SIPA1L2: variants seen among roughly 807,000 people sequenced by gnomAD.
SIPA1L2 encodes the protein signal-induced proliferation-associated 1-like protein 2.
SIPA1L2 carries 56 observed loss-of-function variants against 163.9 expected under a neutral mutation model. The observed-to-expected ratio is 0.34, with a 90% CI of 0.28 to 0.43. The LOEUF (loss-of-function observed/expected upper bound fraction) is 0.43. Ranked by LOEUF, SIPA1L2 falls within the 20% of genes least tolerant of loss-of-function variation. SIPA1L2 has a pLI of 1.00. For synonymous variants in SIPA1L2, 877 were observed against 865.7 expected, an observed-to-expected ratio of 1.01 and a Z score of -0.23; for missense variants, 1,974 against 2,193.5, an observed-to-expected ratio of 0.90 and a Z score of 2.00.
At chr1:232,411,980 C>T (rs1237376808) in intron 19 of SIPA1L2, among the ~76,000 whole-genome samples, 2 of 152,190 alleles carry the variant, frequency 1.3e-5, no homozygotes, top group Non-Finnish European at 2.9e-5. Context: ...AGGGAGCTTA[C>T]TGAGTCCTTA....
Position 232,493,636 on chromosome 1 carries a change from T to C in SIPA1L2, c.1508A>G (p.Asp503Gly). ...GACTGCTACTGGACCAAGGTTTTCA[T>C]CTATTCCAAAGTAGTTTTGGTGCTC... ...GKEHQNYFGI[D>G]ENLGPVAVSI... is the part of the protein sequence containing the mutation. The change falls in exon 4 of 23, where the codon GAT (aspartate) becomes GGT (glycine). Residue 503 changes from aspartate to glycine, a missense_variant. This residue lies in a region of SIPA1L2 where 288 missense variants were observed against 418.9 expected (regional missense o/e 0.69). Transcript: ENST00000674635. The C allele has an allele frequency of 1.2e-6, 2 of 1,614,096 alleles. No individual in the cohort carries two copies. Among genetic ancestry groups the C allele is most frequent in the Non-Finnish European group, 1.7e-6 (2 of 1,180,000 alleles).
chr1:232,445,929 C>A lies in SIPA1L2; in HGVS notation c.3096-143G>T, dbSNP rs190067194. On this transcript the variant is annotated intron_variant, in intron 10 of 22. Transcript: ENST00000674635. ...AGTCAATGATGCAGAGCGATCCACC[C>A]TTAGGAGCATCTCACCTATAATAAA... 2.6e-4 allele frequency: 201 copies of A among 767,580 alleles called. No individual in the cohort carries two copies. In the African/African-American group the frequency reaches 3.2e-3, roughly 12 times the overall value. The allele number at this position is 767,580 out of a possible 1,614,324, so 47.5% of individuals were successfully genotyped here.
chr1:232,424,571 C>T (rs1661777750), intron 18 of SIPA1L2, among the ~76,000 whole-genome samples: 1 of 152,108 alleles, frequency 6.6e-6, no homozygotes, highest in Non-Finnish European at 1.5e-5. Context: ...AGGAAAGTGG[C>T]CTAGGTCTGG....
chr1:232,626,939 T>A (rs1663107194), intron 1 of SIPA1L2, among the ~76,000 whole-genome samples: 1 of 152,196 alleles, frequency 6.6e-6, no homozygotes, highest in African/African-American at 2.4e-5. Context: ...AAGCTTTTTC[T>A]ACTCTCACTC....
intron 3 of SIPA1L2, among the ~76,000 whole-genome samples, chr1:232,512,430 T>C (rs899710118): frequency 3.3e-5 from 5 of 152,174 alleles, no homozygotes; most frequent in Admixed American, 6.5e-5. Flanking sequence ...CATATGTTTA[T>C]TGCAGCACTA....
intron 2 of SIPA1L2, among the ~76,000 whole-genome samples, chr1:232,558,836 A>G (rs1573080955): frequency 2.0e-5 from 3 of 152,344 alleles, no homozygotes; most frequent in Middle Eastern, 3.4e-3. Context: ...TACCAAACAG[A>G]TAACAATTTA....
chr1:232,428,385 A>G, intron 17 of SIPA1L2, 26 bp downstream of exon 17: 1 of 1,360,636 alleles, frequency 7.3e-7, no homozygotes, highest in Non-Finnish European at 9.6e-7. Flanking sequence ...GTTTCTGGTA[A>G]CTTCAAAGCT....
At chr1:232,433,817 C>T (rs1345094590) in intron 15 of SIPA1L2, among the ~76,000 whole-genome samples, 1 of 152,212 alleles carries the variant, frequency 6.6e-6, no homozygotes, top group Non-Finnish European at 1.5e-5. Context: ...TTTCAGCAAA[C>T]TTGACACGTG....
intron 1 of SIPA1L2, among the ~76,000 whole-genome samples, chr1:232,588,237 T>C (rs999173616): frequency 6.6e-6 from 1 of 152,128 alleles, no homozygotes; most frequent in African/African-American, 2.4e-5. Flanking sequence ...GAACCCAACC[T>C]TGTACTTGAC....
chr1:232,509,414 T>C (rs1389786230), intron 3 of SIPA1L2, among the ~76,000 whole-genome samples: 1 of 151,966 alleles, frequency 6.6e-6, no homozygotes, highest in Non-Finnish European at 1.5e-5. Context: ...ATAAAAGCAC[T>C]CTGGAAAGTA....
chr1:232,438,791 AAAACAC>A (rs1662714232), intron 15 of SIPA1L2, among the ~76,000 whole-genome samples: 2 of 152,192 alleles, frequency 1.3e-5, no homozygotes, highest in South Asian at 4.1e-4. Flanking sequence ...CCTCTTCTCC[AAAACAC>A]GTAGGGACAA....
intron 2 of SIPA1L2, among the ~76,000 whole-genome samples, chr1:232,537,732 C>G (rs1210412694): frequency 6.6e-6 from 1 of 152,174 alleles, no homozygotes; most frequent in Non-Finnish European, 1.5e-5. Context: ...CCTCGATTCT[C>G]TCATCTGTAA....
rs114361975 is a variant in SIPA1L2 at position 232,406,687 on chromosome 1, G to A, written c.4763-2509C>T. ...GGTGGGGGTGAATGGTCTGATCAAC[G>A]TGTTATGTCTGTCCAACATAAGGCC... On this transcript the variant is annotated intron_variant, in intron 19 of 22. Transcript: ENST00000674635. Among the ~76,000 whole-genome samples the A allele has an allele frequency of 5.5e-3, 844 of 152,086 alleles. 6 individuals are homozygous for A. The highest frequency in any genetic ancestry group is 0.017 in the African/African-American group (704 of 41,474).
chr1:232,579,832 T>TA (rs1357788953), intron 1 of SIPA1L2, among the ~76,000 whole-genome samples: 4 of 151,916 alleles, frequency 2.6e-5, no homozygotes, highest in Non-Finnish European at 4.4e-5. Context: ...CAAAAGAACT[T>TA]AAAGAAATGG....
intron 2 of SIPA1L2, among the ~76,000 whole-genome samples, chr1:232,517,178 A>C (rs1356005667): frequency 2.0e-5 from 3 of 152,224 alleles, no homozygotes; most frequent in African/African-American, 7.2e-5. Flanking sequence ...CACGAAATGC[A>C]AAGAACCACT....
intron 2 of SIPA1L2, among the ~76,000 whole-genome samples, chr1:232,559,898 A>G (rs1329681881): frequency 6.6e-6 from 1 of 152,214 alleles, no homozygotes; most frequent in Non-Finnish European, 1.5e-5. Flanking sequence ...TGCAGATATA[A>G]ACTGACTATC....
intron 1 of SIPA1L2, among the ~76,000 whole-genome samples, chr1:232,581,751 T>C (rs1002304948): frequency 3.7e-4 from 56 of 152,290 alleles, no homozygotes; most frequent in African/African-American, 1.3e-3. Context: ...TTAAATGACC[T>C]TTCCCAGATG....
chr1:232,584,016 T>A (rs1057017455), intron 1 of SIPA1L2, among the ~76,000 whole-genome samples: 19 of 152,136 alleles, frequency 1.2e-4, no homozygotes, highest in African/African-American at 4.6e-4. Flanking sequence ...TATTAACTCT[T>A]CCCCGCTCTC....
intron 2 of SIPA1L2, among the ~76,000 whole-genome samples, chr1:232,526,622 C>G (rs1438697269): frequency 6.6e-6 from 1 of 152,186 alleles, no homozygotes; most frequent in Non-Finnish European, 1.5e-5. Context: ...GCCATGGGCC[C>G]CTGCCGTAAC....
Sources: gnomAD v4.1 joint callset for allele counts (sites outside exome capture counted in the v4.1 genomes callset) on GRCh38, gnomAD v4.1.1 for gene constraint, gnomAD v4.1.1 regional missense constraint, MANE v1.5 for transcripts, NCBI Gene and HGNC (gene_info 2026-07-23, HGNC 2026-07-21) for gene names.